The following SV2B variants were observed in gnomAD, a reference collection of about 807,000 sequenced individuals.
SV2B encodes the protein synaptic vesicle glycoprotein 2B.
SV2B carries 41 observed loss-of-function variants against 73.9 expected under a neutral mutation model. The observed-to-expected ratio is 0.56, with a 90% CI of 0.43 to 0.72. The LOEUF (loss-of-function observed/expected upper bound fraction) is 0.72. SV2B is among the 30% of genes least tolerant of loss of function. The pLI, the probability that SV2B is intolerant of heterozygous loss-of-function variation, is 0.00. For missense variants in SV2B, 764 were observed against 857.8 expected (o/e 0.89, Z 1.37); for synonymous variants, 314 against 314.2 (o/e 1.00, Z 0.01).
chr15:91,200,019 C>G lies in SV2B; in HGVS notation c.-391-25854C>G, dbSNP rs577114716. 2.0e-5 allele frequency among the ~76,000 whole-genome samples: 3 copies of G among 152,298 alleles called. No homozygotes were observed. In the South Asian group the frequency reaches 6.2e-4, roughly 32 times the overall value. ...TCTTCTGAACTATCTGTTACCACTG[C>G]TTAATACTTTCCATATTTATATAGC... On this transcript the variant is annotated intron_variant, in intron 1 of 12. Coordinates refer to ENST00000394232, the MANE Select transcript of SV2B (RefSeq NM_001323032.3).
At position 91,240,911 on chromosome 15, in the gene SV2B, C is replaced by G. The variant is rs1179097708; in HGVS notation, c.452-10908C>G. Among the ~76,000 whole-genome samples, 3 of 152,166 alleles carry G rather than the reference C, an allele frequency of 2.0e-5. No homozygotes were observed. The highest frequency in any genetic ancestry group is 4.4e-5 in the Non-Finnish European group (3 of 68,032). ...TGTACCATTGCTCTTTCTTGCTCCC[C>G]CTGGACATTTCCAGGCCATTCTCCC... On this transcript the variant is annotated intron_variant, in intron 2 of 12. Transcript: ENST00000394232. This position sits in a 1 kb window ranked among gnomAD's most constrained non-coding sequence, Gnocchi z 4.6.
chr15:91,271,992 C>T (rs749368304), intron 9 of SV2B, among the ~76,000 whole-genome samples: 3 of 152,182 alleles, frequency 2.0e-5, no homozygotes, highest in Non-Finnish European at 2.9e-5. Flanking sequence ...GCTTCACCCA[C>T]GGAAGTTGTT....
rs1445281282 is a variant in SV2B at position 91,241,627 on chromosome 15, A to G, written c.452-10192A>G. On this transcript the variant is annotated intron_variant, in intron 2 of 12. Coordinates refer to ENST00000394232, the MANE Select transcript of SV2B (RefSeq NM_001323032.3). This position sits in a 1 kb window ranked among gnomAD's most constrained non-coding sequence, Gnocchi z 4.8. Reference sequence around the variant, plus strand: ...CAGAAGTAACCGGAGAAGAACTTCTATAGCCCCTGTTATCACACCTACCTT... The same window carrying G: ...CAGAAGTAACCGGAGAAGAACTTCTGTAGCCCCTGTTATCACACCTACCTT... 6.6e-6 allele frequency among the ~76,000 whole-genome samples: 1 copy of G among 151,722 alleles called. No individual in the cohort carries two copies. Among genetic ancestry groups the G allele is most frequent in the East Asian group, 1.9e-4 (1 of 5,194 alleles).
chr15:91,260,652 G>A (rs1355287303), intron 6 of SV2B, among the ~76,000 whole-genome samples: 2 of 152,080 alleles, frequency 1.3e-5, no homozygotes, highest in Non-Finnish European at 2.9e-5. Flanking sequence ...TGTAATCCCA[G>A]CACTTTGGAA....
intron 1 of SV2B, among the ~76,000 whole-genome samples, chr15:91,184,361 A>G (rs745802348): frequency 6.6e-6 from 1 of 152,208 alleles, no homozygotes; most frequent in Non-Finnish European, 1.5e-5. Flanking sequence ...CTCTTCAGGC[A>G]TATAGTAACT....
intron 1 of SV2B, among the ~76,000 whole-genome samples, chr15:91,156,235 T>C (rs759474358): frequency 2.0e-5 from 3 of 152,146 alleles, no homozygotes; most frequent in Non-Finnish European, 4.4e-5. Context: ...TGTGCCAAAT[T>C]GTAAGGAAAG....
At chr15:91,169,922 G>A (rs575814131) in intron 1 of SV2B, among the ~76,000 whole-genome samples, 22 of 152,236 alleles carry the variant, frequency 1.4e-4, no homozygotes, top group African/African-American at 4.6e-4. Context: ...GAAAATCAGC[G>A]GCGCAAATAA....
At position 91,242,621 on chromosome 15, in the gene SV2B, G is replaced by A. The variant is rs1040168834; in HGVS notation, c.452-9198G>A. Among the ~76,000 whole-genome samples, 1 of 152,198 alleles carries A rather than the reference G, an allele frequency of 6.6e-6. No individual in the cohort carries two copies. The highest frequency in any genetic ancestry group is 1.5e-5 in the Non-Finnish European group (1 of 68,028). On this transcript the variant is annotated intron_variant, in intron 2 of 12. Coordinates refer to ENST00000394232, the MANE Select transcript of SV2B (RefSeq NM_001323032.3). This position sits in a 1 kb window ranked among gnomAD's most constrained non-coding sequence, Gnocchi z 4.9. ...TAGATAGAGGAAAGAGCAGTGTGAA[G>A]ACTCTGAGGTGGGAGAGAGCATAGG... is the stretch of plus-strand genomic sequence containing the variant.
At chr15:91,173,449 C>T (rs2044194751) in intron 1 of SV2B, among the ~76,000 whole-genome samples, 1 of 152,112 alleles carries the variant, frequency 6.6e-6, no homozygotes, top group South Asian at 2.1e-4. Context: ...CTAGTTAAAG[C>T]CAAACCAGGA....
chr15:91,195,755 C>T (rs574782835), intron 1 of SV2B, among the ~76,000 whole-genome samples: 4 of 152,284 alleles, frequency 2.6e-5, no homozygotes, highest in African/African-American at 9.6e-5. Context: ...GTGGTAGTAT[C>T]CACCTTATAG....
intron 1 of SV2B, among the ~76,000 whole-genome samples, chr15:91,172,969 G>A (rs573987748): frequency 3.6e-4 from 55 of 151,778 alleles, no homozygotes; most frequent in Non-Finnish European, 6.9e-4. Context: ...CAATACACAC[G>A]TGGATAAATC....
intron 1 of SV2B, among the ~76,000 whole-genome samples, chr15:91,157,003 C>T (rs988053110): frequency 2.6e-5 from 4 of 152,160 alleles, no homozygotes; most frequent in African/African-American, 9.7e-5. Flanking sequence ...GCCCAGGGCT[C>T]TCTATAGCTG....
At position 91,238,208 on chromosome 15, in the gene SV2B, T is replaced by C. The variant is rs140033809; in HGVS notation, c.451+11494T>C. Among the ~76,000 whole-genome samples the C allele has an allele frequency of 3.0e-3, 460 of 152,372 alleles. 4 individuals are homozygous for C. Among genetic ancestry groups the C allele is most frequent in the Non-Finnish European group, 4.6e-3 (315 of 68,030 alleles). On this transcript the variant is annotated intron_variant, in intron 2 of 12. Transcript: ENST00000394232. The stretch of plus-strand genomic sequence containing the variant: ...TTTCTAATTTAAAATCAAATTATAA[T>C]AATTATACTACTATCACCACTACCA...
At chr15:91,133,466 CT>C (rs2042719219) in intron 1 of SV2B, among the ~76,000 whole-genome samples, 1 of 151,782 alleles carries the variant, frequency 6.6e-6, no homozygotes, top group Non-Finnish European at 1.5e-5. Context: ...TAATGATAGT[CT>C]ATTTTGGAGG....
At chr15:91,188,859 T>C (rs1448874214) in intron 1 of SV2B, among the ~76,000 whole-genome samples, 1 of 151,942 alleles carries the variant, frequency 6.6e-6, no homozygotes, top group Non-Finnish European at 1.5e-5. Context: ...GGAGTTTTGC[T>C]CTTGTCATCC....
chr15:91,193,844 T>C (rs2045140120), intron 1 of SV2B, among the ~76,000 whole-genome samples: 1 of 152,186 alleles, frequency 6.6e-6, no homozygotes, highest in African/African-American at 2.4e-5. Context: ...AAAAAGTTTA[T>C]ATTATTTTTT....
chr15:91,215,289 G>A (rs917888125), intron 1 of SV2B, among the ~76,000 whole-genome samples: 1 of 152,186 alleles, frequency 6.6e-6, no homozygotes, highest in Non-Finnish European at 1.5e-5. Flanking sequence ...TTAGGCCAGA[G>A]GTTCTTGACT....
At chr15:91,233,575 G>C (rs2046665755) in intron 2 of SV2B, among the ~76,000 whole-genome samples, 1 of 152,132 alleles carries the variant, frequency 6.6e-6, no homozygotes, top group African/African-American at 2.4e-5. Context: ...ACATTGATTG[G>C]GAAGGAATGA....
rs17693605 is a variant in SV2B at position 91,232,432 on chromosome 15, G to A, written c.451+5718G>A. Among the ~76,000 whole-genome samples the A allele has an allele frequency of 0.012, 1,901 of 152,260 alleles. 52 individuals carry two copies. Among genetic ancestry groups the A allele is most frequent in the East Asian group, 0.12 (598 of 5,176 alleles). On this transcript the variant is annotated intron_variant, in intron 2 of 12. Transcript: ENST00000394232. This position sits in a 1 kb window ranked among gnomAD's most constrained non-coding sequence, Gnocchi z 4.7. ...ACGGATTGCTGTGTTTAGGAGTGTG[G>A]AGTTGATTCCACCGGCAATGGAGAG... is the stretch of plus-strand genomic sequence containing the variant.
Sources: gnomAD v4.1 joint callset for allele counts (sites outside exome capture counted in the v4.1 genomes callset) on GRCh38, gnomAD v4.1.1 for gene constraint, Gnocchi (gnomAD v3.1) non-coding constraint, MANE v1.5 for transcripts, NCBI Gene and HGNC (gene_info 2026-07-23, HGNC 2026-07-21) for gene names.